The following AGBL4 variants were observed in gnomAD, a reference collection of about 807,000 sequenced individuals.
The protein encoded by AGBL4 is cytosolic carboxypeptidase 6.
Under a neutral mutation model 66.4 loss-of-function variants are expected in AGBL4, and 58 were observed. That is an observed-to-expected ratio of 0.87 (90% CI 0.71 to 1.09). AGBL4 has a LOEUF of 1.09. Ranked by LOEUF, AGBL4 falls within the 50% of genes least tolerant of loss-of-function variation. The pLI, the probability that AGBL4 is intolerant of heterozygous loss-of-function variation, is 0.00. For synonymous variants in AGBL4, 234 were observed against 222.9 expected (o/e 1.05, Z -0.44); for missense variants, 579 against 631.0 (o/e 0.92, Z 0.88).
At chr1:48,541,428 C>T (rs1251157981) in intron 11 of AGBL4, among the ~76,000 whole-genome samples, 1 of 152,202 alleles carries the variant, frequency 6.6e-6, no homozygotes, top group Admixed American at 6.5e-5. Flanking sequence ...CACCTAAATA[C>T]CCACACACTC....
intron 4 of AGBL4, among the ~76,000 whole-genome samples, chr1:49,207,773 A>C (rs1049074898): frequency 1.3e-5 from 2 of 151,452 alleles, no homozygotes; most frequent in African/African-American, 4.9e-5. Flanking sequence ...TTTTTTGTAG[A>C]GATGGTGTCT....
chr1:49,162,524 T>G (rs1260204516), intron 4 of AGBL4, among the ~76,000 whole-genome samples: 1 of 152,208 alleles, frequency 6.6e-6, no homozygotes, highest in Non-Finnish European at 1.5e-5. Context: ...AGAACAAAAA[T>G]AAATCCACAA....
At chr1:49,517,495 G>C (rs371301720) in intron 3 of AGBL4, among the ~76,000 whole-genome samples, 2 of 151,972 alleles carry the variant, frequency 1.3e-5, no homozygotes, top group South Asian at 4.2e-4. Context: ...AGAAGAATGA[G>C]GGTCAGAGAA....
intron 11 of AGBL4, among the ~76,000 whole-genome samples, chr1:48,574,709 A>T (rs1272524454): frequency 6.6e-6 from 1 of 151,818 alleles, no homozygotes; most frequent in Non-Finnish European, 1.5e-5. Context: ...GTCTCTTGAG[A>T]CATATCAACA....
chr1:49,900,276 G>A (rs955987624), intron 1 of AGBL4, among the ~76,000 whole-genome samples: 6 of 151,112 alleles, frequency 4.0e-5, no homozygotes, highest in Non-Finnish European at 8.8e-5. Context: ...ACAGAGTTTC[G>A]CTCTTGTTGC....
intron 3 of AGBL4, among the ~76,000 whole-genome samples, chr1:49,674,509 A>T (rs976506341): frequency 6.8e-6 from 1 of 147,924 alleles, no homozygotes; most frequent in African/African-American, 2.5e-5. Flanking sequence ...ATATAATTAT[A>T]TTTATATATA....
At chr1:49,960,928 G>T (rs12049369) in intron 1 of AGBL4, among the ~76,000 whole-genome samples, 3 of 151,966 alleles carry the variant, frequency 2.0e-5, no homozygotes, top group Admixed American at 1.3e-4. Context: ...TGTGAGCCAC[G>T]TGAATATCTG....
intron 5 of AGBL4, among the ~76,000 whole-genome samples, chr1:49,014,275 G>C (rs924179108): frequency 6.6e-6 from 1 of 152,162 alleles, no homozygotes; most frequent in African/African-American, 2.4e-5. Flanking sequence ...GAGAAAATTG[G>C]TGAGACAGGG....
the AGBL4 span, among the ~76,000 whole-genome samples, chr1:48,526,597 A>G: frequency 2.9e-4 from 44 of 152,316 alleles, no homozygotes; most frequent in African/African-American, 9.4e-4. Context: ...CAGCGGTAGT[A>G]GCATTAGATT....
At chr1:49,296,939 T>C (rs1005624312) in intron 3 of AGBL4, among the ~76,000 whole-genome samples, 2 of 152,204 alleles carry the variant, frequency 1.3e-5, no homozygotes, top group African/African-American at 4.8e-5. Flanking sequence ...GACTCCACAT[T>C]TGATCTGAAC....
chr1:49,325,364 T>C (rs934973665), intron 3 of AGBL4, among the ~76,000 whole-genome samples: 2 of 152,214 alleles, frequency 1.3e-5, no homozygotes, highest in Non-Finnish European at 2.9e-5. Flanking sequence ...TTTTTGCATG[T>C]CTGCTTCTTA....
intron 4 of AGBL4, among the ~76,000 whole-genome samples, chr1:49,127,289 G>A (rs1645784892): frequency 6.6e-6 from 1 of 152,132 alleles, no homozygotes; most frequent in Non-Finnish European, 1.5e-5. Context: ...CAGGGGGAAA[G>A]GATGGGAAGC....
chr1:48,757,377 G>C (rs537188180), intron 6 of AGBL4, among the ~76,000 whole-genome samples: 35 of 152,236 alleles, frequency 2.3e-4, no homozygotes, highest in African/African-American at 7.5e-4. Flanking sequence ...TTTTAATAAA[G>C]AACTTTACTA....
At chr1:49,585,661 A>T (rs1334830682) in intron 3 of AGBL4, among the ~76,000 whole-genome samples, 1 of 152,182 alleles carries the variant, frequency 6.6e-6, no homozygotes, top group Non-Finnish European at 1.5e-5. Flanking sequence ...CAGCTAAGTC[A>T]TGTCTGAACT....
intron 2 of AGBL4, among the ~76,000 whole-genome samples, chr1:49,848,271 A>G (rs1323169544): frequency 1.3e-5 from 2 of 152,184 alleles, no homozygotes; most frequent in African/African-American, 4.8e-5. Context: ...ATATTTTTCT[A>G]AGAACTAAAA....
At chr1:49,963,252 G>C (rs1657266119) in intron 1 of AGBL4, among the ~76,000 whole-genome samples, 1 of 152,118 alleles carries the variant, frequency 6.6e-6, no homozygotes, top group Admixed American at 6.6e-5. Flanking sequence ...AGATTCCCAT[G>C]TGTCTTCAGT....
At chr1:48,523,960 T>TA in the AGBL4 span, among the ~76,000 whole-genome samples, 1 of 152,158 alleles carries the variant, frequency 6.6e-6, no homozygotes, top group Non-Finnish European at 1.5e-5. Context: ...TTTGTGTATC[T>TA]AAAAAAATCT....
intron 3 of AGBL4, among the ~76,000 whole-genome samples, chr1:49,341,863 G>C (rs1645546160): frequency 6.6e-6 from 1 of 152,160 alleles, no homozygotes; most frequent in African/African-American, 2.4e-5. Flanking sequence ...GACAGGCAAT[G>C]CTTTTCTCCC....
chr1:49,055,463 TTTTAA>T (rs1644292210), intron 4 of AGBL4, among the ~76,000 whole-genome samples: 1 of 152,058 alleles, frequency 6.6e-6, no homozygotes, highest in Non-Finnish European at 1.5e-5. Context: ...GAAAATGCCT[TTTTAA>T]TTTAAGTATA....
Sources: gnomAD v4.1 joint callset for allele counts (sites outside exome capture counted in the v4.1 genomes callset) on GRCh38, gnomAD v4.1.1 for gene constraint, MANE v1.5 for transcripts, NCBI Gene and HGNC (gene_info 2026-07-23, HGNC 2026-07-21) for gene names.